The following MUC4 variants were observed in gnomAD, a reference collection of about 807,000 sequenced individuals.
MUC4 encodes the protein mucin-4.
In MUC4, 202 loss-of-function variants were observed where a neutral mutation model predicts 257.9. That is an observed-to-expected ratio of 0.78 (90% CI 0.70 to 0.88). The LOEUF is 0.88. Among genes scored for constraint, MUC4 ranks in the 40% least tolerant of loss-of-function variants. MUC4 has a pLI of 0.00. For synonymous variants in MUC4, 2,351 were observed against 2,757.1 expected (o/e 0.85, Z 4.62); for missense variants, 5,976 against 6,513.7 (o/e 0.92, Z 2.84).
intron 21 of MUC4, chr3:195,752,106 T>G (rs1476749757): frequency 2.0e-6 from 1 of 490,192 alleles, no homozygotes; most frequent in African/African-American, 1.9e-5. Flanking sequence ...GTCCTTTAGT[T>G]TCTTTCAGAT....
intron 1 of MUC4, among the ~76,000 whole-genome samples, chr3:195,809,258 C>T (rs1736385883): frequency 6.6e-6 from 1 of 152,232 alleles, no homozygotes; most frequent in Non-Finnish European, 1.5e-5. Context: ...TGTTTTTCCT[C>T]TGGCCTGGGC....
chr3:195,749,157 C>G, intron 23 of MUC4, 93 bp from the exon 24 acceptor site: 1 of 1,476,378 alleles, frequency 6.8e-7, no homozygotes, highest in Non-Finnish European at 9.2e-7. Flanking sequence ...GGTGTTTATC[C>G]TGAGAAATAA....
At chr3:195,754,921 T>TATCC (rs1717331135) in intron 18 of MUC4, among the ~76,000 whole-genome samples, 2 of 146,708 alleles carry the variant, frequency 1.4e-5, no homozygotes, top group African/African-American at 2.7e-5. Context: ...GTCATGCATG[T>TATCC]ATGCATGTAT....
At chr3:195,811,417 C>T (rs1560429120) in intron 1 of MUC4, among the ~76,000 whole-genome samples, 1 of 152,038 alleles carries the variant, frequency 6.6e-6, no homozygotes, top group Non-Finnish European at 1.5e-5. Context: ...CAGGTGATCT[C>T]CTGCCTTGGC....
intron 5 of MUC4, chr3:195,770,732 G>A: frequency 2.4e-6 from 1 of 412,804 alleles, no homozygotes; most frequent in Non-Finnish European, 4.7e-6. Flanking sequence ...TCTTCCTCTT[G>A]GAGCCTCCAC....
rs753192652 is a variant in MUC4 at position 195,769,095 on chromosome 3, G to A, written c.13456C>T (p.Leu4486Phe). 1.2e-6 allele frequency: 2 copies of A among 1,614,036 alleles called. No individual in the cohort carries two copies. The highest frequency in any genetic ancestry group is 2.7e-5 in the African/African-American group (2 of 74,932). The change falls in exon 7 of 25, where the codon CTC becomes TTC. Residue 4486 changes from leucine to phenylalanine, a missense_variant. Around this residue, in one of 44 missense-constraint regions of MUC4, gnomAD observed 996 missense variants for 1,137.3 expected, o/e 0.88. Coordinates refer to ENST00000463781, the MANE Select transcript of MUC4 (RefSeq NM_018406.7). The stretch of plus-strand genomic sequence containing the variant: ...CACTGCATCCCACCGCTCTGGTAGA[G>A]AAACAGGGCATAGGACCTGCTCCCG... ...TDGSRSYALF[L>F]YQSGGMQWDV...
rs748561476 is a variant in MUC4, at chr3:195,788,988, C to T, written c.2592G>A (p.Ala864=). 9.9e-6 allele frequency: 16 copies of T among 1,613,640 alleles called. No homozygotes were observed. Among genetic ancestry groups the T allele is most frequent in the East Asian group, 4.5e-5 (2 of 44,886 alleles). Residue 864 remains alanine (A), a synonymous_variant, in exon 2 of 25, where the codon GCG becomes GCA. Coordinates refer to ENST00000463781, the MANE Select transcript of MUC4 (RefSeq NM_018406.7). ...HGAIPVSTGM[A]SSIVPGTFHP... The stretch of plus-strand genomic sequence containing the variant: ...GAAAGGTGCCGGGGACGATCGAAGA[C>T]GCCATTCCTGTGCTTACTGGGATGG...
At chr3:195,754,865 GTATCAA>G (rs2148770041) in intron 18 of MUC4, among the ~76,000 whole-genome samples, 1 of 132,544 alleles carries the variant, frequency 7.5e-6, no homozygotes, top group South Asian at 2.6e-4. Context: ...ATGTAGATAT[GTATCAA>G]TGTATGTATC....
Position 195,753,148 on chromosome 3 carries a change from C to G in MUC4, c.15411G>C (p.Gln5137His). ...TGCACATGGGCTGACAGCCCAGAGTCTGGGAGATGTAGCAGTGGCCTTGAT... is the reference window on the plus strand; with the variant it reads ...TGCACATGGGCTGACAGCCCAGAGTGTGGGAGATGTAGCAGTGGCCTTGAT... ...CYNQGHCYIS[Q>H]TLGCQPMCTC... The change falls in exon 20 of 25, where the codon CAG becomes CAC. Residue 5137 changes from glutamine to histidine, a missense_variant. Coordinates refer to ENST00000463781, the MANE Select transcript of MUC4 (RefSeq NM_018406.7). 1 of 1,613,454 alleles carries G rather than the reference C, an allele frequency of 6.2e-7. No individual in the cohort carries two copies. The highest frequency in any genetic ancestry group is 8.5e-7 in the Non-Finnish European group (1 of 1,179,816).
intron 3 of MUC4, among the ~76,000 whole-genome samples, chr3:195,775,161 C>T (rs1724079756): frequency 6.6e-6 from 1 of 152,084 alleles, no homozygotes; most frequent in African/African-American, 2.4e-5. Flanking sequence ...TCCTGGCCTC[C>T]TCACTGCCTG....
At chr3:195,808,285 G>A (rs58017475) in intron 1 of MUC4, among the ~76,000 whole-genome samples, 1 of 151,140 alleles carries the variant, frequency 6.6e-6, no homozygotes, top group Non-Finnish European at 1.5e-5. Context: ...CTGCCATTTC[G>A]GCTCCCTGCA....
At chr3:195,756,044 C>T (rs1667985371) in intron 18 of MUC4, among the ~76,000 whole-genome samples, 1 of 152,140 alleles carries the variant, frequency 6.6e-6, no homozygotes, top group Admixed American at 6.5e-5. Context: ...GAAGTAGTTT[C>T]TCCAAACTGG....
At position 195,764,121 on chromosome 3, in the gene MUC4, G is replaced by A. The variant is rs774059417; in HGVS notation, c.13968C>T (p.Asp4656=). 1.9e-6 allele frequency: 3 copies of A among 1,597,372 alleles called. No homozygotes were observed. The Admixed American group carries it at 5.2e-5, about 28-fold the overall frequency. ...EPQSWCCRWN[D]KPYLCALYQQ... ...GGTACAGGGCACAGAGGTAGGGCTT[G>A]TCATTCCAGCGGCAGCACCAGCTCT... is the stretch of plus-strand genomic sequence containing the variant. The change falls in exon 11 of 25, where the codon GAC becomes GAT. Residue 4656 remains aspartate (D), a synonymous_variant. Transcript: ENST00000463781.
At chr3:195,801,098 C>G (rs111884951) in intron 1 of MUC4, among the ~76,000 whole-genome samples, 3,830 of 152,198 alleles carry the variant, frequency 0.025, 149 homozygotes, top group African/African-American at 0.086. Flanking sequence ...AAATTTGAAG[C>G]CTTGATCAAG....
chr3:195,747,194 T>C lies in MUC4; in HGVS notation c.16221A>G (p.Ser5407=). The C allele has an allele frequency of 6.2e-7, 1 of 1,614,240 alleles. No homozygotes were observed. The highest frequency in any genetic ancestry group is 8.5e-7 in the Non-Finnish European group (1 of 1,180,040). The change falls in exon 25 of 25, where the codon TCA becomes TCG. Residue 5407 remains serine (S), a synonymous_variant. Transcript: ENST00000463781. ...TGCCCCTTCAAGGCAAGGCCTCAGC[T>C]GAGTTCAGGAAATAGGAGAACCTGG... ...SGARFSYFLN[S]AEALP
intron 1 of MUC4, among the ~76,000 whole-genome samples, chr3:195,797,266 TTAAATAAA>T (rs58592665): frequency 4.0e-5 from 6 of 149,586 alleles, no homozygotes; most frequent in South Asian, 4.2e-4. Flanking sequence ...GGACTCTATC[TTAAATAAA>T]TAAATAAATA....
At chr3:195,767,820 C>CCACCACCAT (rs1721670673) in intron 7 of MUC4, among the ~76,000 whole-genome samples, 4 of 41,514 alleles carry the variant, frequency 9.6e-5, no homozygotes, top group African/African-American at 2.2e-4. Flanking sequence ...ACCATCACCA[C>CCACCACCAT]CACCACCACC....
intron 1 of MUC4, among the ~76,000 whole-genome samples, chr3:195,804,298 C>T (rs1283715292): frequency 6.6e-6 from 1 of 152,220 alleles, no homozygotes; most frequent in Non-Finnish European, 1.5e-5. Flanking sequence ...TGTTAGGGCT[C>T]CAGGATGTGA....
In MUC4 at chr3:195,789,365, T is replaced by C; in HGVS notation, c.2215A>G (p.Thr739Ala). Residue 739 changes from threonine to alanine, a missense_variant, in exon 2 of 25, where the codon ACT becomes GCT. Physicochemically the swap from Thr to Ala is moderately conservative, Grantham distance 58. This residue lies in a region of MUC4 where 1,583 missense variants were observed against 1,257.4 expected (regional missense o/e 1.26). Transcript: ENST00000463781. Reference protein sequence around the residue: ...GTSLSKTGALTLANSVVSTPG... With the variant: ...GTSLSKTGALALANSVVSTPG... Reference sequence around the variant, plus strand: ...GTTGACACTACAGAGTTGGCCAGAGTAAGGGCACCTGTTTTGGAAAGTGAC... The same window carrying C: ...GTTGACACTACAGAGTTGGCCAGAGCAAGGGCACCTGTTTTGGAAAGTGAC... The C allele has an allele frequency of 6.2e-7, 1 of 1,613,780 alleles. No individual in the cohort carries two copies. Among genetic ancestry groups the C allele is most frequent in the Non-Finnish European group, 8.5e-7 (1 of 1,179,850 alleles).
Sources: allele counts gnomAD v4.1 joint callset (sites outside exome capture counted in the v4.1 genomes callset), GRCh38; gene constraint gnomAD v4.1.1; regional missense constraint gnomAD v4.1.1; transcripts MANE v1.5; gene names NCBI Gene and HGNC (gene_info 2026-07-23, HGNC 2026-07-21).